SRSF1: variants seen among roughly 807,000 people sequenced by gnomAD.
SRSF1 encodes serine and arginine rich splicing factor 1.
A neutral mutation model predicts 25.9 loss-of-function variants in SRSF1; 1 was observed. That is an observed-to-expected ratio of 0.04 (90% CI 0.01 to 0.18). The LOEUF (loss-of-function observed/expected upper bound fraction) is 0.18. SRSF1 is among the 10% of genes least tolerant of loss of function. SRSF1 has a pLI of 1.00. For synonymous variants in SRSF1, 132 were observed against 126.2 expected (o/e 1.05, Z -0.31); for missense variants, 65 against 350.5 (o/e 0.19, Z 6.50).
At chr17:57,997,290 A>AT (rs1361299787), downstream of SRSF1, among the ~76,000 whole-genome samples, 1 of 152,192 alleles carries the variant, frequency 6.6e-6, no homozygotes, top group Non-Finnish European at 1.5e-5. Context: ...CTGGCTTCAC[A>AT]TCTGAGGAGT....
rs1468198850 is a variant in SRSF1, at chr17:58,005,752, A to G, written c.552+49T>C. The stretch of plus-strand genomic sequence containing the variant: ...CTTACCTTGAAATTCCACTGTTAAG[A>G]CCACTGTATCCAATTCTGGTCAAAG... On this transcript the variant is annotated intron_variant, in intron 3 of 3. Coordinates refer to ENST00000258962, the MANE Select transcript of SRSF1 (RefSeq NM_006924.5). The surrounding 1 kb of genome is among the most constrained non-coding windows in gnomAD (Gnocchi z 5.2). 1.6e-5 allele frequency: 26 copies of G among 1,614,122 alleles called. No individual in the cohort carries two copies. The highest frequency in any genetic ancestry group is 2.1e-5 in the Non-Finnish European group (25 of 1,179,980).
At chr17:57,993,978 A>C in the SRSF1 span, 1 of 152,216 alleles carries the variant, frequency 6.6e-6, no homozygotes, top group Non-Finnish European at 1.5e-5. Context: ...GATGGCAAGT[A>C]GTCAACCCAA....
At position 58,005,182 on chromosome 17, in the gene SRSF1, T is replaced by G. The variant is rs1162254436; in HGVS notation, c.*224A>C. ...ATATCACAGTCTGAAGAGTATGGAG[T>G]TAACTAAATTTAAACAATCCTGTCT... On this transcript the variant is annotated 3_prime_UTR_variant, in exon 4 of 4. Coordinates refer to ENST00000258962, the MANE Select transcript of SRSF1 (RefSeq NM_006924.5). This position sits in a 1 kb window ranked among gnomAD's most constrained non-coding sequence, Gnocchi z 5.2. 1 of 584,174 alleles carries G rather than the reference T, an allele frequency of 1.7e-6. No individual in the cohort carries two copies. Among genetic ancestry groups the G allele is most frequent in the Non-Finnish European group, 3.0e-6 (1 of 331,618 alleles). 36.2% of individuals were successfully genotyped at this position (584,174 alleles called of 1,614,324 possible). A position where few individuals can be genotyped will look rare whatever the true frequency, so the allele number is the denominator to read the frequency against.
At chr17:57,999,718 TGGAGAGC>T (rs940164226), downstream of SRSF1, among the ~76,000 whole-genome samples, 5 of 152,160 alleles carry the variant, frequency 3.3e-5, no homozygotes, top group African/African-American at 1.2e-4. Flanking sequence ...CACTTACCAA[TGGAGAGC>T]AGTACAGCAT....
In SRSF1 at chr17:58,004,166, T is replaced by A. The variant is rs1416088566; in HGVS notation, c.*1240A>T. On this transcript the variant is annotated 3_prime_UTR_variant, in exon 4 of 4. Transcript: ENST00000258962. ...GTTTCTGAATGGTGTTCAGATAAAT[T>A]TTAGAAACTTAATCATCATAGAGAC... The A allele has an allele frequency of 6.6e-6, 1 of 152,618 alleles. No homozygotes were observed. The highest frequency in any genetic ancestry group is 1.5e-5 in the Non-Finnish European group (1 of 68,034). 9.5% of individuals were successfully genotyped at this position (152,618 alleles called of 1,614,324 possible).
the SRSF1 span, chr17:57,991,972 G>A: frequency 5.3e-5 from 8 of 152,200 alleles, no homozygotes; most frequent in Non-Finnish European, 8.8e-5. Flanking sequence ...AATTCAGCTG[G>A]TAGTCGAGGG....
chr17:58,006,045 G>A lies in SRSF1; in HGVS notation c.380-72C>T, dbSNP rs1287474560. ...CACGTTAAGCTGGTAAGGTACATTA[G>A]GACAAAGAGTACTTTAAAGTACTTA... On this transcript the variant is annotated intron_variant, in intron 2 of 3. Coordinates refer to ENST00000258962, the MANE Select transcript of SRSF1 (RefSeq NM_006924.5). 6 of 1,433,926 alleles carry A rather than the reference G, an allele frequency of 4.2e-6. No individual in the cohort carries two copies. In the Admixed American group the frequency reaches 7.6e-5, roughly 18 times the overall value. 88.8% of individuals were successfully genotyped at this position (1,433,926 alleles called of 1,614,324 possible). A position where few individuals can be genotyped will look rare whatever the true frequency, so the allele number is the denominator to read the frequency against.
chr17:57,991,340 T>C, the SRSF1 span: 7 of 152,214 alleles, frequency 4.6e-5, no homozygotes, highest in Admixed American at 1.3e-4. Context: ...CTTAGAATCC[T>C]AGGAAAAGAA....
chr17:57,991,855 G>T, the SRSF1 span: 5 of 152,212 alleles, frequency 3.3e-5, no homozygotes, highest in Non-Finnish European at 2.9e-5. Flanking sequence ...AGGGAAACAA[G>T]AATTCTTTTT....
At chr17:57,996,491 A>AAAAAAC (rs1555574737), downstream of SRSF1, among the ~76,000 whole-genome samples, 6 of 150,838 alleles carry the variant, frequency 4.0e-5, no homozygotes, top group Non-Finnish European at 8.9e-5. Context: ...CTTAAAAAAA[A>AAAAAAC]AAAAAAAAAA....
rs1216926402 is a variant in SRSF1 at position 58,003,764 on chromosome 17, G to A, written c.*1642C>T. On this transcript the variant is annotated 3_prime_UTR_variant, in exon 4 of 4. Coordinates refer to ENST00000258962, the MANE Select transcript of SRSF1 (RefSeq NM_006924.5). Reference sequence around the variant, plus strand: ...ACACAATTCCATCGTGCATCTTAAGGGCTCCAATCGTCAAAAATAGGAAAA... The same window carrying A: ...ACACAATTCCATCGTGCATCTTAAGAGCTCCAATCGTCAAAAATAGGAAAA... 6.6e-6 allele frequency: 1 copy of A among 152,444 alleles called. No homozygotes were observed. 9.4% of individuals were successfully genotyped at this position (152,444 alleles called of 1,614,324 possible).
downstream of SRSF1, among the ~76,000 whole-genome samples, chr17:57,999,123 T>G (rs2075375557): frequency 6.6e-6 from 1 of 152,164 alleles, no homozygotes; most frequent in Non-Finnish European, 1.5e-5. Context: ...GCTACTTAAG[T>G]GAGGCCTAGA....
chr17:57,989,793 C>A, the SRSF1 span: 1 of 398,560 alleles, frequency 2.5e-6, no homozygotes, highest in South Asian at 1.3e-4. Context: ...GGGAACCGGT[C>A]AGCCTAAGAT....
chr17:57,993,030 G>A, the SRSF1 span: 1 of 152,212 alleles, frequency 6.6e-6, no homozygotes, highest in African/African-American at 2.4e-5. Context: ...GCCTAGATAA[G>A]ATCTGGCTTA....
chr17:58,006,013 T>TA (rs1567748968), intron 2 of SRSF1, 40 bp from the exon 3 acceptor site: 1 of 1,579,542 alleles, frequency 6.3e-7, no homozygotes, highest in East Asian at 2.2e-5. Flanking sequence ...CCAATTATCT[T>TA]AAATTTCACG....
chr17:57,995,675 G>A, the SRSF1 span, among the ~76,000 whole-genome samples: 2 of 152,312 alleles, frequency 1.3e-5, no homozygotes, highest in East Asian at 1.9e-4. Flanking sequence ...TTTTCTCCCC[G>A]AGGCCTCCCA....
chr17:58,003,156 T>C lies in SRSF1; in HGVS notation c.*2250A>G, dbSNP rs1010026463. Among the ~76,000 whole-genome samples the C allele has an allele frequency of 2.0e-5, 3 of 152,172 alleles. No individual in the cohort carries two copies. Among genetic ancestry groups the C allele is most frequent in the Non-Finnish European group, 2.9e-5 (2 of 68,026 alleles). ...TCAACCAATTTTGCACAAAAGCCTA[T>C]GTTGTCTATGACCACCAGAAAATAA... On this transcript the variant is annotated 3_prime_UTR_variant, in exon 4 of 4. Transcript: ENST00000258962.
chr17:57,996,760 A>T (rs1302930090), downstream of SRSF1, among the ~76,000 whole-genome samples: 1 of 152,158 alleles, frequency 6.6e-6, no homozygotes, highest in Non-Finnish European at 1.5e-5. Flanking sequence ...AAATGTATGG[A>T]TGCTGGGTCT....
downstream of SRSF1, among the ~76,000 whole-genome samples, chr17:57,997,356 A>T (rs1407783868): frequency 1.3e-5 from 2 of 152,246 alleles, no homozygotes; most frequent in African/African-American, 4.8e-5. Context: ...ATAGCTTGTG[A>T]AACAGACTTC....
Sources: allele counts gnomAD v4.1 joint callset (sites outside exome capture counted in the v4.1 genomes callset), GRCh38; gene constraint gnomAD v4.1.1; non-coding constraint Gnocchi (gnomAD v3.1); transcripts MANE v1.5; gene names NCBI Gene and HGNC (gene_info 2026-07-23, HGNC 2026-07-21).